The following CTNNA3 variants were observed in gnomAD, a reference collection of about 807,000 sequenced individuals.
CTNNA3 encodes catenin alpha 3.
CTNNA3 carries 76 observed loss-of-function variants against 95.7 expected under a neutral mutation model. The ratio of observed to expected loss-of-function variants is 0.79; its 90% CI spans 0.66 to 0.96. CTNNA3 has a LOEUF of 0.96. Ranked by LOEUF, CTNNA3 falls within the 40% of genes least tolerant of loss-of-function variation. The pLI, the probability that CTNNA3 is intolerant of heterozygous loss-of-function variation, is 0.00. For synonymous variants in CTNNA3, 431 were observed against 374.4 expected, an observed-to-expected ratio of 1.15 and a Z score of -1.74; for missense variants, 1,191 against 1,089.8, an observed-to-expected ratio of 1.09 and a Z score of -1.31.
intron 7 of CTNNA3, among the ~76,000 whole-genome samples, chr10:67,031,829 G>A (rs1853747746): frequency 6.6e-6 from 1 of 152,124 alleles, no homozygotes; most frequent in African/African-American, 2.4e-5. Context: ...GAATCAAGAA[G>A]GACAGATCAG....
intron 12 of CTNNA3, among the ~76,000 whole-genome samples, chr10:66,360,927 C>A (rs2092669009): frequency 2.3e-5 from 2 of 87,566 alleles, no homozygotes; most frequent in South Asian, 3.2e-4. Flanking sequence ...TTCTTCCTTT[C>A]TGTCTCTCTC....
chr10:66,402,520 A>G (rs574754586), intron 11 of CTNNA3, among the ~76,000 whole-genome samples: 1 of 152,268 alleles, frequency 6.6e-6, no homozygotes, highest in South Asian at 2.1e-4. Flanking sequence ...GTTTACTCAT[A>G]TGTCAATATA....
At chr10:67,435,875 T>C (rs1006758436) in intron 5 of CTNNA3, among the ~76,000 whole-genome samples, 10 of 152,080 alleles carry the variant, frequency 6.6e-5, no homozygotes, top group Non-Finnish European at 1.5e-4. Flanking sequence ...GTAGAATCAA[T>C]ACTGTGAAAA....
At chr10:66,587,856 C>T (rs1253259500) in intron 10 of CTNNA3, among the ~76,000 whole-genome samples, 1 of 152,192 alleles carries the variant, frequency 6.6e-6, no homozygotes, top group Non-Finnish European at 1.5e-5. Context: ...GGCCGCACCC[C>T]TTCTGGTCTA....
intron 15 of CTNNA3, among the ~76,000 whole-genome samples, chr10:66,006,907 A>G (rs934349692): frequency 2.6e-5 from 4 of 152,328 alleles, no homozygotes; most frequent in Admixed American, 1.3e-4. Context: ...GACCAATCAC[A>G]GCTAATAGAT....
intron 7 of CTNNA3, among the ~76,000 whole-genome samples, chr10:67,115,888 AAAG>A (rs1383614492): frequency 6.6e-6 from 1 of 151,968 alleles, no homozygotes; most frequent in African/African-American, 2.4e-5. Context: ...AGACACCTCT[AAAG>A]AAGTTTAGCA....
At chr10:67,489,643 C>G (rs1335693972) in intron 5 of CTNNA3, among the ~76,000 whole-genome samples, 1 of 151,822 alleles carries the variant, frequency 6.6e-6, no homozygotes, top group African/African-American at 2.4e-5. Context: ...CACTATTGCT[C>G]CTAGGACTGA....
intron 13 of CTNNA3, among the ~76,000 whole-genome samples, chr10:66,158,424 T>C (rs1331381628): frequency 6.6e-6 from 1 of 152,018 alleles, no homozygotes; most frequent in East Asian, 1.9e-4. Flanking sequence ...TTCCCCACTT[T>C]ATGTTTTTGT....
chr10:66,007,807 C>G (rs1457560692), intron 15 of CTNNA3, among the ~76,000 whole-genome samples: 1 of 89,692 alleles, frequency 1.1e-5, no homozygotes, highest in African/African-American at 4.3e-5. Context: ...TCCTTCCTCC[C>G]TCGCTCCCTC....
At chr10:66,682,356 A>C (rs1847095850) in intron 9 of CTNNA3, among the ~76,000 whole-genome samples, 1 of 152,208 alleles carries the variant, frequency 6.6e-6, no homozygotes, top group African/African-American at 2.4e-5. Context: ...GGTAAAAATT[A>C]AAAGAAAATA....
chr10:67,433,245 C>A (rs551941080), intron 5 of CTNNA3, among the ~76,000 whole-genome samples: 1 of 152,096 alleles, frequency 6.6e-6, no homozygotes, highest in African/African-American at 2.4e-5. Context: ...GAGAGAGACA[C>A]AGATGGGGAA....
chr10:66,481,988 TATCA>T (rs1333090776), intron 11 of CTNNA3, among the ~76,000 whole-genome samples: 1 of 152,052 alleles, frequency 6.6e-6, no homozygotes, highest in East Asian at 1.9e-4. Context: ...AGAAAATAAA[TATCA>T]ATAGGGATGT....
intron 7 of CTNNA3, among the ~76,000 whole-genome samples, chr10:66,827,480 G>A (rs1307435888): frequency 2.0e-5 from 3 of 152,064 alleles, no homozygotes; most frequent in Non-Finnish European, 4.4e-5. Flanking sequence ...TTTATACCCA[G>A]CACATAGTAA....
At chr10:67,402,858 A>C (rs1373153482) in intron 5 of CTNNA3, among the ~76,000 whole-genome samples, 1 of 152,170 alleles carries the variant, frequency 6.6e-6, no homozygotes, top group Non-Finnish European at 1.5e-5. Context: ...TCCCTGGCAA[A>C]GGTGACTACA....
At chr10:67,421,204 G>T (rs534828218) in intron 5 of CTNNA3, among the ~76,000 whole-genome samples, 1 of 152,296 alleles carries the variant, frequency 6.6e-6, no homozygotes, top group Non-Finnish European at 1.5e-5. Flanking sequence ...AAACCAAAGT[G>T]AAAGAACTAA....
chr10:66,887,242 G>A (rs1391052802), intron 7 of CTNNA3, among the ~76,000 whole-genome samples: 1 of 151,998 alleles, frequency 6.6e-6, no homozygotes, highest in Non-Finnish European at 1.5e-5. Context: ...TATTATTTGG[G>A]AAAAAATCCT....
chr10:66,137,211 T>C (rs2133866995), intron 13 of CTNNA3, among the ~76,000 whole-genome samples: 1 of 152,276 alleles, frequency 6.6e-6, no homozygotes, highest in Admixed American at 6.5e-5. Context: ...AAACCACTGC[T>C]TTGACGTGAC....
At chr10:66,012,126 A>G (rs1202291449) in intron 15 of CTNNA3, among the ~76,000 whole-genome samples, 3 of 152,222 alleles carry the variant, frequency 2.0e-5, no homozygotes, top group African/African-American at 7.2e-5. Flanking sequence ...CACTTTTACC[A>G]TAGACCAGGA....
At chr10:66,821,322 C>T (rs1381551025) in intron 7 of CTNNA3, among the ~76,000 whole-genome samples, 2 of 152,118 alleles carry the variant, frequency 1.3e-5, no homozygotes, top group African/African-American at 2.4e-5. Context: ...ATGTATAATG[C>T]TTTGCCAGCA....
Sources: allele counts gnomAD v4.1 joint callset (sites outside exome capture counted in the v4.1 genomes callset), GRCh38; gene constraint gnomAD v4.1.1; transcripts MANE v1.5; gene names NCBI Gene and HGNC (gene_info 2026-07-23, HGNC 2026-07-21).